SYNE1: variants seen among roughly 807,000 people sequenced by gnomAD.
The protein encoded by SYNE1 is spectrin repeat containing nuclear envelope protein 1.
In SYNE1, 616 loss-of-function variants were observed where a neutral mutation model predicts 1,111.0. The ratio of observed to expected loss-of-function variants is 0.55; its 90% CI spans 0.52 to 0.59. The LOEUF is 0.59. SYNE1 is among the 20% of genes least tolerant of loss of function. SYNE1 has a pLI of 0.00. For synonymous variants in SYNE1, 3,855 were observed against 3,825.8 expected, an observed-to-expected ratio of 1.01 and a Z score of -0.28; for missense variants, 10,006 against 10,417.0, an observed-to-expected ratio of 0.96 and a Z score of 1.72.
chr6:152,426,698 C>T lies in SYNE1; in HGVS notation c.5100+995G>A, dbSNP rs560367010. On this transcript the variant is annotated intron_variant, in intron 38 of 145. Coordinates refer to ENST00000367255, the MANE Select transcript of SYNE1 (RefSeq NM_182961.4). The stretch of plus-strand genomic sequence containing the variant: ...GGAACCAGATTGTAGATCAGGATTG[C>T]CCTTTATGGTCAGGGCGGGAAACAG... Among the ~76,000 whole-genome samples, 33 of 152,326 alleles carry T rather than the reference C, an allele frequency of 2.2e-4. No individual in the cohort carries two copies. The South Asian group carries it at 6.6e-3, about 31-fold the overall frequency.
At position 152,201,815 on chromosome 6, in the gene SYNE1, G is replaced by C; in HGVS notation, c.23145+9C>G. The C allele has an allele frequency of 6.2e-7, 1 of 1,613,910 alleles. No individual in the cohort carries two copies. The highest frequency in any genetic ancestry group is 8.5e-7 in the Non-Finnish European group (1 of 1,179,828). The stretch of plus-strand genomic sequence containing the variant: ...AGGTGACGGTGAAAATCTCAGTTCA[G>C]TAATTTACCTTGCAACGCATTTGTT... On this transcript the variant is annotated intron_variant, in intron 127 of 145. Transcript: ENST00000367255.
At chr6:152,531,229 G>T (rs2099199275) in intron 4 of SYNE1, among the ~76,000 whole-genome samples, 2 of 152,262 alleles carry the variant, frequency 1.3e-5, no homozygotes, top group African/African-American at 4.8e-5. Flanking sequence ...ATTTGAGATT[G>T]CTAAGATCCA....
At chr6:152,453,490 A>T in intron 25 of SYNE1, 96 bp downstream of exon 25, 1 of 1,589,320 alleles carries the variant, frequency 6.3e-7, no homozygotes, top group Non-Finnish European at 8.6e-7. Context: ...GTGACTTTCC[A>T]GGAATTTCTA....
At chr6:152,260,599 G>A (rs1382678447) in intron 101 of SYNE1, among the ~76,000 whole-genome samples, 1 of 151,818 alleles carries the variant, frequency 6.6e-6, no homozygotes. Context: ...AATAGAAAGC[G>A]TGGCTCTGGA....
chr6:152,277,056 A>G (rs1039571529), intron 98 of SYNE1, among the ~76,000 whole-genome samples: 2 of 150,670 alleles, frequency 1.3e-5, no homozygotes, highest in African/African-American at 4.9e-5. Flanking sequence ...ATGCCCGGCT[A>G]ATTTTTGGTA....
At chr6:152,168,120 C>T (rs761087169) in intron 130 of SYNE1, 1 of 780,270 alleles carries the variant, frequency 1.3e-6, no homozygotes, top group Non-Finnish European at 2.4e-6. Context: ...TGCCTTGTGA[C>T]ATCGCAGTTA....
At chr6:152,353,160 T>C in intron 69 of SYNE1, 103 bp downstream of exon 69, 1 of 1,455,340 alleles carries the variant, frequency 6.9e-7, no homozygotes, top group Non-Finnish European at 9.6e-7. Context: ...TCACCAATCA[T>C]AATGGTTGGG....
At chr6:152,231,856 T>C (rs1355856687) in intron 113 of SYNE1, among the ~76,000 whole-genome samples, 1 of 152,004 alleles carries the variant, frequency 6.6e-6, no homozygotes, top group African/African-American at 2.4e-5. Flanking sequence ...ATAACCTCAC[T>C]ATAAAATATT....
chr6:152,476,665 T>G (rs549934514), intron 14 of SYNE1, among the ~76,000 whole-genome samples: 1 of 152,212 alleles, frequency 6.6e-6, no homozygotes, highest in East Asian at 1.9e-4. Context: ...ACCCAGGAGT[T>G]TGAGACCAGG....
At position 152,211,597 on chromosome 6, in the gene SYNE1, T is replaced by A. The variant is rs762256509; in HGVS notation, c.22495-9A>T. 1.1e-5 allele frequency: 17 copies of A among 1,608,834 alleles called. No homozygotes were observed. The highest frequency in any genetic ancestry group is 1.7e-5 in the Admixed American group (1 of 59,904). Reference sequence around the variant, plus strand: ...ATCTCGGCTTGAAACAACTATAATTTAAAAAAAAGAAGAACATACTTTAGA... The same window carrying A: ...ATCTCGGCTTGAAACAACTATAATTAAAAAAAAAGAAGAACATACTTTAGA... On this transcript the variant is annotated splice_polypyrimidine_tract_variant and intron_variant, in intron 123 of 145. Coordinates refer to ENST00000367255, the MANE Select transcript of SYNE1 (RefSeq NM_182961.4).
At position 152,232,583 on chromosome 6, in the gene SYNE1, A is replaced by T. The variant is rs17803970; in HGVS notation, c.20713-318T>A. 0.072 allele frequency among the ~76,000 whole-genome samples: 10,925 copies of T among 152,324 alleles called. 556 individuals carry two copies. Among genetic ancestry groups the T allele is most frequent in the Admixed American group, 0.15 (2,338 of 15,304 alleles). On this transcript the variant is annotated intron_variant, in intron 112 of 145. Coordinates refer to ENST00000367255, the MANE Select transcript of SYNE1 (RefSeq NM_182961.4). ...AGTTTTATGAGTCTAAAAAAACTTA[A>T]CCAGAAAACATTCAACAGATGTATT...
At chr6:152,141,096 G>T in intron 139 of SYNE1, 107 bp downstream of exon 139, 1 of 1,465,184 alleles carries the variant, frequency 6.8e-7, no homozygotes, top group Non-Finnish European at 9.5e-7. Context: ...TCTCAGGATA[G>T]AACGGTGTAG....
chr6:152,510,409 T>TATCTTTG, intron 7 of SYNE1, 38 bp from the exon 8 acceptor site: 1 of 1,603,100 alleles, frequency 6.2e-7, no homozygotes, highest in African/African-American at 1.3e-5. Context: ...ATATAAGCAT[T>TATCTTTG]ATCTTTGTTA....
intron 2 of SYNE1, among the ~76,000 whole-genome samples, chr6:152,629,707 G>A (rs2099694606): frequency 6.6e-6 from 1 of 152,060 alleles, no homozygotes; most frequent in African/African-American, 2.4e-5. Flanking sequence ...AAGAGGGGGT[G>A]AATAATGCAC....
In SYNE1 at chr6:152,328,533, ATAGT is replaced by A. The variant is rs1409395737; in HGVS notation, c.14955+1193_14955+1196del. On this transcript the variant is annotated intron_variant, in intron 78 of 145. Transcript: ENST00000367255. ...CGATTTTACTGCCTCAGCCTCCCAA[ATAGT>A]TAGGATTACAGGTATGCACCACCAA... 2.6e-5 allele frequency among the ~76,000 whole-genome samples: 4 copies of A among 151,368 alleles called. No homozygotes were observed. The East Asian group carries it at 7.8e-4, about 29-fold the overall frequency.
rs2096590695 is a variant in SYNE1, at chr6:152,344,214, A to G, written c.12092T>C (p.Leu4031Ser). The part of the protein sequence containing the change: ...CSTAQRMYQS[L>S]EHELQKHVSR... The stretch of plus-strand genomic sequence containing the variant: ...GACGTGCTTCTGAAGTTCGTGTTCC[A>G]AACTCTGGTACATCTGAGACAATAC... Residue 4031 changes from leucine to serine, a missense_variant, in exon 74 of 146, where the codon TTG (leucine) becomes TCG (serine). Transcript: ENST00000367255. The G allele has an allele frequency of 6.2e-7, 1 of 1,614,174 alleles. No individual in the cohort carries two copies. Among genetic ancestry groups the G allele is most frequent in the Non-Finnish European group, 8.5e-7 (1 of 1,180,022 alleles).
intron 108 of SYNE1, among the ~76,000 whole-genome samples, chr6:152,238,900 A>ATT (rs113859424): frequency 2.1e-5 from 3 of 140,778 alleles, no homozygotes; most frequent in Non-Finnish European, 3.1e-5. Flanking sequence ...TTTTACTTTC[A>ATT]TTTTTTTTTT....
intron 104 of SYNE1, among the ~76,000 whole-genome samples, chr6:152,253,817 GGTTTTTTTTTTTTTTTTTTT>G (rs761774960): frequency 0.053 from 3,118 of 59,068 alleles, 232 homozygotes; most frequent in Admixed American, 0.11. Flanking sequence ...GTAGTGGTTT[GGTTTTTTTTTTTTTTTTTTT>G]TTTTTTTTTT....
intron 3 of SYNE1, among the ~76,000 whole-genome samples, chr6:152,622,746 T>A (rs1172820470): frequency 6.6e-6 from 1 of 152,196 alleles, no homozygotes; most frequent in Non-Finnish European, 1.5e-5. Flanking sequence ...TGTTTCTTTA[T>A]AATAGAATGA....
Sources: gnomAD v4.1 joint callset for allele counts (sites outside exome capture counted in the v4.1 genomes callset) on GRCh38, gnomAD v4.1.1 for gene constraint, MANE v1.5 for transcripts, NCBI Gene and HGNC (gene_info 2026-07-23, HGNC 2026-07-21) for gene names.